Variants in SLC41A1 observed in about 807,000 individuals in gnomAD.
SLC41A1 encodes solute carrier family 41 (magnesium transporter), member 1.
Under a neutral mutation model 47.3 loss-of-function variants are expected in SLC41A1, and 20 were observed. That is an observed-to-expected ratio of 0.42 (90% CI 0.30 to 0.61). The LOEUF is 0.61. SLC41A1 is among the 20% of genes least tolerant of loss of function. The probability of loss-of-function intolerance (pLI) is 0.17; values close to 1 mark genes in which losing one functional copy is unlikely to be tolerated. For missense variants in SLC41A1, 504 were observed against 674.1 expected (o/e 0.75, Z 2.79); for synonymous variants, 282 against 272.7 (o/e 1.03, Z -0.34).
intron 3 of SLC41A1, 129 bp downstream of exon 3, chr1:205,800,824 C>T: frequency 1.2e-6 from 1 of 858,504 alleles, no homozygotes. Context: ...GCCAGGCCCT[C>T]CCTTCCCACC....
In SLC41A1 at chr1:205,800,976, G is replaced by C; in HGVS notation, c.457C>G (p.Leu153Val). ...LGLKGNLEMT[L>V]ASRLSTAANI... ...ACTGCAGTGGAAAGCCTTGATGCCA[G>C]GGTCATTTCCAGGTTCCCTTTGAGC... The change falls in exon 3 of 11, where the codon CTG becomes GTG. Residue 153 changes from leucine to valine, a missense_variant. Leu to Val is a conservative substitution (Grantham distance 32, BLOSUM62 1). Around this residue, in one of 2 missense-constraint regions of SLC41A1, gnomAD observed 421 missense variants for 601.6 expected, o/e 0.70. Coordinates refer to ENST00000367137, the MANE Select transcript of SLC41A1 (RefSeq NM_173854.6). 6.2e-7 allele frequency: 1 copy of C among 1,614,150 alleles called. No homozygotes were observed. Among genetic ancestry groups the C allele is most frequent in the Non-Finnish European group, 8.5e-7 (1 of 1,180,006 alleles).
At chr1:205,807,369 G>A (rs1242546198) in intron 2 of SLC41A1, among the ~76,000 whole-genome samples, 1 of 152,122 alleles carries the variant, frequency 6.6e-6, no homozygotes, top group Non-Finnish European at 1.5e-5. Context: ...GCTCTGAGGT[G>A]AGCTGAGGTG....
chr1:205,793,691 T>C (rs1571638111), intron 10 of SLC41A1, among the ~76,000 whole-genome samples: 1 of 152,238 alleles, frequency 6.6e-6, no homozygotes, highest in Non-Finnish European at 1.5e-5. Context: ...GTTCTCTTTA[T>C]GTATTGATAT....
chr1:205,812,005 T>TA (rs930142371), intron 1 of SLC41A1, among the ~76,000 whole-genome samples: 18 of 151,880 alleles, frequency 1.2e-4, no homozygotes, highest in African/African-American at 3.4e-4. Flanking sequence ...AAAGTAGCAA[T>TA]AAAAAAAACC....
At chr1:205,798,135 A>G (rs1655791282) in intron 6 of SLC41A1, 84 bp from the exon 7 acceptor site, 2 of 1,578,084 alleles carry the variant, frequency 1.3e-6, no homozygotes, top group Non-Finnish European at 1.7e-6. Context: ...AAATGTCCCA[A>G]CAGATCAATA....
In SLC41A1 at chr1:205,795,038, G is replaced by A. The variant is rs1161180238; in HGVS notation, c.1208-20C>T. 1.2e-6 allele frequency: 2 copies of A among 1,612,746 alleles called. No individual in the cohort carries two copies. Among genetic ancestry groups the A allele is most frequent in the South Asian group, 2.2e-5 (2 of 91,044 alleles). The stretch of plus-strand genomic sequence containing the variant: ...TCACATCTGGAATTGGGGAAAAGAG[G>A]GTGTAAAGAGGAGGGGAGGAGAAGA... On this transcript the variant is annotated intron_variant, in intron 9 of 10. Coordinates refer to ENST00000367137, the MANE Select transcript of SLC41A1 (RefSeq NM_173854.6).
chr1:205,799,421 C>T (rs1655820023), intron 4 of SLC41A1, among the ~76,000 whole-genome samples: 1 of 152,214 alleles, frequency 6.6e-6, no homozygotes, highest in South Asian at 2.1e-4. Flanking sequence ...AGGGGGAAGG[C>T]TCCCAGTCTG....
Position 205,791,614 on chromosome 1 carries a change from G to A in SLC41A1, c.1461C>T (p.Asp487=), listed in dbSNP as rs1655630099. 2 of 1,614,008 alleles carry A rather than the reference G, an allele frequency of 1.2e-6. No homozygotes were observed. The highest frequency in any genetic ancestry group is 1.7e-6 in the Non-Finnish European group (2 of 1,180,032). Residue 487 remains aspartate (D), a synonymous_variant, in exon 11 of 11, where the codon GAC becomes GAT. Transcript: ENST00000367137. This position sits in a 1 kb window ranked among gnomAD's most constrained non-coding sequence, Gnocchi z 4.0. The part of the protein sequence containing the change: ...FSIPYLTALG[D]LLGTGLLALS... ...GTGCTAGGAGCCCAGTGCCAAGCAG[G>A]TCCCCCAGAGCAGTCAAGTATGGGA...
chr1:205,793,901 A>T lies in SLC41A1; in HGVS notation c.1356+969T>A, dbSNP rs1379318061. 2.0e-5 allele frequency among the ~76,000 whole-genome samples: 3 copies of T among 152,240 alleles called. No individual in the cohort carries two copies. The East Asian group carries it at 5.8e-4, about 29-fold the overall frequency. On this transcript the variant is annotated intron_variant, in intron 10 of 10. Transcript: ENST00000367137. ...AGGAGAGAAACAGATGGCTGTGAAGAAGAGGACAGAAAAGAAGACTTTTCA... is the reference window on the plus strand; with the variant it reads ...AGGAGAGAAACAGATGGCTGTGAAGTAGAGGACAGAAAAGAAGACTTTTCA...
intron 2 of SLC41A1, among the ~76,000 whole-genome samples, chr1:205,804,704 C>T (rs1318623763): frequency 6.6e-6 from 1 of 152,176 alleles, no homozygotes; most frequent in African/African-American, 2.4e-5. Context: ...CCCCTCTTCT[C>T]CCCTCCCTTG....
At chr1:205,812,743 C>A in intron 1 of SLC41A1, 65 bp downstream of exon 1, 1 of 986,202 alleles carries the variant, frequency 1.0e-6, no homozygotes, top group Non-Finnish European at 1.2e-6. Context: ...TCAGCAAATG[C>A]GCTGCGCGCC....
intron 2 of SLC41A1, among the ~76,000 whole-genome samples, chr1:205,807,648 G>GTTTTTTTTTTTTTTTTTTTTTTTTTT (rs1170069554): frequency 2.0e-5 from 2 of 100,124 alleles, no homozygotes; most frequent in African/African-American, 3.4e-5. Flanking sequence ...TCCTCGTAGA[G>GTTTTTTTTTTTTTTTTTTTTTTTTTT]TCTTTTTTTT....
rs1410156705 is a variant in SLC41A1, at chr1:205,798,710, G to A, written c.803C>T (p.Ala268Val). The A allele has an allele frequency of 1.9e-6, 3 of 1,614,058 alleles. No homozygotes were observed. The highest frequency in any genetic ancestry group is 1.7e-5 in the Admixed American group (1 of 60,006). ...TCCCCAGCTGATGCCTGAGAGCAGCGCCAAGGTGATGAGGTCGCCCAGGCT... is the reference window on the plus strand; with the variant it reads ...TCCCCAGCTGATGCCTGAGAGCAGCACCAAGGTGATGAGGTCGCCCAGGCT... ...AASLGDLITL[A>V]LLSGISWGLY... Residue 268 changes from alanine (A) to valine (V), a missense_variant, in exon 6 of 11, where the codon GCG (alanine) becomes GTG (valine). Transcript: ENST00000367137.
intron 10 of SLC41A1, 56 bp downstream of exon 10, chr1:205,794,814 C>A (rs1655705286): frequency 6.2e-7 from 1 of 1,609,530 alleles, no homozygotes; most frequent in African/African-American, 1.3e-5. Context: ...CCTCCTCTCC[C>A]ATCCCTGCAG....
chr1:205,801,285 T>C (rs1423773186), intron 2 of SLC41A1: 5 of 505,392 alleles, frequency 9.9e-6, no homozygotes, highest in Non-Finnish European at 1.8e-5. Flanking sequence ...ATGGAGAGGG[T>C]TTCTGCCGGT....
intron 8 of SLC41A1, 32 bp from the exon 9 acceptor site, chr1:205,795,510 C>T: frequency 6.2e-7 from 1 of 1,613,582 alleles, no homozygotes; most frequent in Non-Finnish European, 8.5e-7. Flanking sequence ...TAGACACAGA[C>T]AGAGGTCAGA....
intron 6 of SLC41A1, 61 bp downstream of exon 6, chr1:205,798,608 C>A (rs1173949011): frequency 1.9e-6 from 3 of 1,611,992 alleles, no homozygotes; most frequent in Non-Finnish European, 2.5e-6. Context: ...CATTTGCAAA[C>A]TACTACCATC....
At chr1:205,795,039 G>GTTAA in intron 9 of SLC41A1, 21 bp from the exon 10 acceptor site, 2 of 1,612,858 alleles carry the variant, frequency 1.2e-6, no homozygotes, top group Non-Finnish European at 1.7e-6. Context: ...GGAAAAGAGG[G>GTTAA]TGTAAAGAGG....
At position 205,809,929 on chromosome 1, in the gene SLC41A1, G is replaced by A. The variant is rs1382597475; in HGVS notation, c.372+141C>T. 4.6e-6 allele frequency: 6 copies of A among 1,317,666 alleles called. No homozygotes were observed. In the Admixed American group the frequency reaches 6.0e-5, roughly 13 times the overall value. 81.6% of individuals were successfully genotyped at this position (1,317,666 alleles called of 1,614,324 possible). A position where few individuals can be genotyped will look rare whatever the true frequency, so the allele number is the denominator to read the frequency against. On this transcript the variant is annotated intron_variant, in intron 2 of 10. Coordinates refer to ENST00000367137, the MANE Select transcript of SLC41A1 (RefSeq NM_173854.6). ...AAAGGAACTAGACCAAGAAGAAACC[G>A]AGGACATGATCCAAAGGAAAACAGT...
Sources: allele counts gnomAD v4.1 joint callset (sites outside exome capture counted in the v4.1 genomes callset), GRCh38; gene constraint gnomAD v4.1.1; regional missense constraint gnomAD v4.1.1; non-coding constraint Gnocchi (gnomAD v3.1); transcripts MANE v1.5; gene names NCBI Gene and HGNC (gene_info 2026-07-23, HGNC 2026-07-21).